The following SLC35D4 variants were observed in gnomAD, a reference collection of about 807,000 sequenced individuals.
The protein encoded by SLC35D4 is UDP-N-acetylglucosamine transporter SLC35D4.
the SLC35D4 span, among the ~76,000 whole-genome samples, chr18:23,261,324 G>A: frequency 6.6e-6 from 1 of 152,104 alleles, no homozygotes; most frequent in Non-Finnish European, 1.5e-5. Context: ...GCAAGACCAT[G>A]TCTCTATTTT....
At chr18:23,313,219 T>C in the SLC35D4 span, among the ~76,000 whole-genome samples, 2 of 148,698 alleles carry the variant, frequency 1.3e-5, no homozygotes, top group Non-Finnish European at 3.0e-5. Context: ...TGGTACTGGC[T>C]TCCTTTTTGC....
the SLC35D4 span, among the ~76,000 whole-genome samples, chr18:23,359,482 G>T: frequency 1.3e-5 from 2 of 152,118 alleles, no homozygotes; most frequent in Non-Finnish European, 2.9e-5. Context: ...GTGTTCTGCA[G>T]TTACAATTCT....
the SLC35D4 span, among the ~76,000 whole-genome samples, chr18:23,423,082 C>G: frequency 2.6e-5 from 4 of 152,200 alleles, no homozygotes; most frequent in Admixed American, 6.5e-5. Flanking sequence ...ACCCGCCCCT[C>G]TCCACGGTCA....
At chr18:23,389,504 A>G in the SLC35D4 span, among the ~76,000 whole-genome samples, 4 of 152,184 alleles carry the variant, frequency 2.6e-5, no homozygotes, top group Admixed American at 2.6e-4. Flanking sequence ...GTTGCACTCT[A>G]TCAGCCTGTG....
At chr18:23,312,697 A>G in the SLC35D4 span, among the ~76,000 whole-genome samples, 2 of 152,090 alleles carry the variant, frequency 1.3e-5, no homozygotes, top group Admixed American at 1.3e-4. Context: ...CTACTGTCCT[A>G]TTAATCAGTG....
At chr18:23,310,723 G>A in the SLC35D4 span, among the ~76,000 whole-genome samples, 1 of 152,018 alleles carries the variant, frequency 6.6e-6, no homozygotes, top group Non-Finnish European at 1.5e-5. Context: ...CAAGCAGAAG[G>A]AAGGAGTATG....
chr18:23,422,826 T>G, the SLC35D4 span, among the ~76,000 whole-genome samples: 1 of 150,118 alleles, frequency 6.7e-6, no homozygotes, highest in Non-Finnish European at 1.5e-5. Context: ...CCCCCCCCAA[T>G]GCAGAAAGCA....
the SLC35D4 span, among the ~76,000 whole-genome samples, chr18:23,287,521 G>C: frequency 6.6e-6 from 1 of 152,124 alleles, no homozygotes; most frequent in Non-Finnish European, 1.5e-5. Context: ...TCTCCCTGCT[G>C]ATCATGTCCG....
At chr18:23,352,420 A>G in the SLC35D4 span, 179,212 of 597,928 alleles carry the variant, frequency 0.3, 28,373 homozygotes, top group East Asian at 0.39. Context: ...TGTTTTCTAG[A>G]TCTGTGATCT....
chr18:23,399,552 C>T, the SLC35D4 span: 2 of 1,613,026 alleles, frequency 1.2e-6, no homozygotes, highest in African/African-American at 2.7e-5. Context: ...TTCCCCTGAA[C>T]CTCTAATACT....
chr18:23,288,564 CAGGACTGGCAA>C, the SLC35D4 span, among the ~76,000 whole-genome samples: 2 of 152,048 alleles, frequency 1.3e-5, no homozygotes, highest in Non-Finnish European at 1.5e-5. Flanking sequence ...CCCCCCGCCC[CAGGACTGGCAA>C]ATTAGCTTTA....
chr18:23,368,699 G>A, the SLC35D4 span: 4 of 1,325,838 alleles, frequency 3.0e-6, no homozygotes, highest in Non-Finnish European at 3.2e-6. Context: ...CTTTAAAAAT[G>A]TAAATTATAT....
At chr18:23,239,543 T>G in the SLC35D4 span, among the ~76,000 whole-genome samples, 2 of 152,230 alleles carry the variant, frequency 1.3e-5, no homozygotes, top group African/African-American at 4.8e-5. Context: ...CCGTTTCTCA[T>G]GCATTTGCAT....
chr18:23,399,768 G>T, the SLC35D4 span: 1 of 890,920 alleles, frequency 1.1e-6, no homozygotes, highest in Non-Finnish European at 1.8e-6. Flanking sequence ...AAAAATCCCT[G>T]GCAGACTTGT....
the SLC35D4 span, among the ~76,000 whole-genome samples, chr18:23,360,310 C>T: frequency 2.0e-5 from 3 of 152,140 alleles, no homozygotes; most frequent in Admixed American, 6.5e-5. Context: ...ATCCAAGAGA[C>T]GTGAAAACAT....
chr18:23,363,364 A>ATTTTTTTTTTTT, the SLC35D4 span, among the ~76,000 whole-genome samples: 6 of 90,460 alleles, frequency 6.6e-5, no homozygotes, highest in African/African-American at 2.6e-4. Context: ...ACAAAAGCAC[A>ATTTTTTTTTTTT]TTTTTTTTTT....
At chr18:23,357,912 T>C in the SLC35D4 span, among the ~76,000 whole-genome samples, 1 of 152,246 alleles carries the variant, frequency 6.6e-6, no homozygotes, top group African/African-American at 2.4e-5. Context: ...TTGTTCTCTT[T>C]CAGCCACGAT....
the SLC35D4 span, among the ~76,000 whole-genome samples, chr18:23,363,419 G>C: frequency 8.4e-6 from 1 of 119,188 alleles, no homozygotes; most frequent in Non-Finnish European, 1.6e-5. Context: ...CTCTTGCCCA[G>C]GCTGGAGTGC....
chr18:23,362,708 G>A, the SLC35D4 span, among the ~76,000 whole-genome samples: 1 of 152,176 alleles, frequency 6.6e-6, no homozygotes, highest in Non-Finnish European at 1.5e-5. Flanking sequence ...AGAGGGTCAG[G>A]AGACCTAACC....
Sources: allele counts gnomAD v4.1 joint callset (sites outside exome capture counted in the v4.1 genomes callset), GRCh38; gene constraint gnomAD v4.1.1; transcripts MANE v1.5; gene names NCBI Gene and HGNC (gene_info 2026-07-23, HGNC 2026-07-21).